The following XKR9 variants were observed in gnomAD, a reference collection of about 807,000 sequenced individuals.
The protein encoded by XKR9 is XK-related protein 9.
XKR9 carries 32 observed loss-of-function variants against 32.0 expected under a neutral mutation model. That is an observed-to-expected ratio of 1.00 (90% CI 0.76 to 1.34). The LOEUF is 1.34. Among genes scored for constraint, XKR9 ranks in the 40% most tolerant of loss-of-function variants. XKR9 has a pLI of 0.00. For missense variants in XKR9, 546 were observed against 429.7 expected (o/e 1.27, Z -2.39); for synonymous variants, 168 against 143.4 (o/e 1.17, Z -1.22).
the XKR9 span, among the ~76,000 whole-genome samples, chr8:70,920,800 G>A: frequency 6.6e-6 from 1 of 152,032 alleles, no homozygotes; most frequent in South Asian, 2.1e-4. Flanking sequence ...AGGTTTCTAT[G>A]ACAAGTAATC....
At chr8:70,857,867 C>T in the XKR9 span, among the ~76,000 whole-genome samples, 6 of 152,086 alleles carry the variant, frequency 3.9e-5, no homozygotes, top group African/African-American at 1.4e-4. Context: ...ACAAAAACCA[C>T]GTGATTATCT....
downstream of XKR9, among the ~76,000 whole-genome samples, chr8:70,740,553 G>A (rs1242118675): frequency 6.8e-6 from 1 of 146,062 alleles, no homozygotes; most frequent in Non-Finnish European, 1.5e-5. Context: ...GCTTTTTAGA[G>A]TTTCCAGTTT....
chr8:70,865,022 T>G, the XKR9 span, among the ~76,000 whole-genome samples: 2 of 152,222 alleles, frequency 1.3e-5, no homozygotes, highest in Non-Finnish European at 2.9e-5. Flanking sequence ...TGAGGCATCC[T>G]GACATCTCTT....
intron 3 of XKR9, among the ~76,000 whole-genome samples, chr8:70,692,614 T>C (rs1000504420): frequency 6.6e-6 from 1 of 152,106 alleles, no homozygotes; most frequent in Non-Finnish European, 1.5e-5. Flanking sequence ...GTTTTGCTCT[T>C]GTTGCCCAGG....
chr8:70,989,042 C>A, the XKR9 span, among the ~76,000 whole-genome samples: 1 of 152,192 alleles, frequency 6.6e-6, no homozygotes, highest in Admixed American at 6.5e-5. Flanking sequence ...ATGTACAACA[C>A]TTTCTTCATC....
chr8:70,865,758 T>A, the XKR9 span, among the ~76,000 whole-genome samples: 1 of 152,202 alleles, frequency 6.6e-6, no homozygotes, highest in Non-Finnish European at 1.5e-5. Flanking sequence ...ATTCATCATA[T>A]TGAAACCTGA....
At chr8:70,727,757 G>A (rs1367443474) in intron 4 of XKR9, among the ~76,000 whole-genome samples, 3 of 151,964 alleles carry the variant, frequency 2.0e-5, no homozygotes, top group Non-Finnish European at 4.4e-5. Context: ...AGCTGGGAGT[G>A]CCGATTGGTC....
the XKR9 span, among the ~76,000 whole-genome samples, chr8:70,860,036 C>T: frequency 2.6e-5 from 4 of 152,056 alleles, no homozygotes; most frequent in Admixed American, 6.6e-5. Flanking sequence ...GTGATGGATA[C>T]CCTAAGTACC....
At chr8:71,034,623 C>T in the XKR9 span, among the ~76,000 whole-genome samples, 2 of 152,150 alleles carry the variant, frequency 1.3e-5, no homozygotes, top group Non-Finnish European at 2.9e-5. Context: ...CATGTAGGTG[C>T]TCTGGTTGGC....
chr8:70,720,737 C>T (rs991281817), intron 4 of XKR9, among the ~76,000 whole-genome samples: 1 of 152,144 alleles, frequency 6.6e-6, no homozygotes, highest in African/African-American at 2.4e-5. Context: ...CGATGTTCAT[C>T]AGGGATATTG....
the XKR9 span, among the ~76,000 whole-genome samples, chr8:70,814,642 T>C: frequency 6.6e-6 from 1 of 152,156 alleles, no homozygotes; most frequent in Admixed American, 6.5e-5. Context: ...AATATCATAC[T>C]GAAGAAACAA....
At chr8:70,748,115 T>C (rs113898760) in intron 2 of XKR9, among the ~76,000 whole-genome samples, 25 of 152,342 alleles carry the variant, frequency 1.6e-4, no homozygotes, top group African/African-American at 5.5e-4. Flanking sequence ...TTTAGAATTA[T>C]ATTAATGACA....
chr8:70,705,106 C>T (rs1172733541), intron 3 of XKR9, among the ~76,000 whole-genome samples: 2 of 152,102 alleles, frequency 1.3e-5, no homozygotes, highest in Non-Finnish European at 2.9e-5. Context: ...AATGGGAATA[C>T]TTTATATTTG....
intron 2 of XKR9, 25 bp downstream of exon 2, chr8:70,674,924 A>T (rs1055891661): frequency 1.3e-5 from 2 of 152,228 alleles, no homozygotes; most frequent in African/African-American, 4.8e-5. Flanking sequence ...TATATGTGTT[A>T]TATTTGGTTG....
chr8:70,976,648 A>T, the XKR9 span, among the ~76,000 whole-genome samples: 2 of 152,238 alleles, frequency 1.3e-5, no homozygotes, highest in African/African-American at 4.8e-5. Flanking sequence ...TTTCACATCA[A>T]TGTTCAACAG....
At chr8:70,949,237 C>T in the XKR9 span, among the ~76,000 whole-genome samples, 1 of 152,124 alleles carries the variant, frequency 6.6e-6, no homozygotes, top group Non-Finnish European at 1.5e-5. Flanking sequence ...TAGCCTCAGG[C>T]AGCATATTTC....
At chr8:70,766,451 A>G (rs1054639343) in intron 2 of XKR9, among the ~76,000 whole-genome samples, 8 of 152,186 alleles carry the variant, frequency 5.3e-5, no homozygotes, top group Non-Finnish European at 1.2e-4. Context: ...CTGATTTTGT[A>G]TCCTGAGACT....
At chr8:70,727,844 C>T (rs1390760008) in intron 4 of XKR9, among the ~76,000 whole-genome samples, 1 of 151,746 alleles carries the variant, frequency 6.6e-6, no homozygotes, top group Non-Finnish European at 1.5e-5. Context: ...GCTACGAGAT[C>T]AGATGAGTCA....
At chr8:71,025,468 C>T in the XKR9 span, among the ~76,000 whole-genome samples, 24 of 152,172 alleles carry the variant, frequency 1.6e-4, no homozygotes, top group African/African-American at 4.8e-4. Context: ...TCTTACAATT[C>T]GTAACAAAGG....
Sources: gnomAD v4.1 joint callset for allele counts (sites outside exome capture counted in the v4.1 genomes callset) on GRCh38, gnomAD v4.1.1 for gene constraint, MANE v1.5 for transcripts, NCBI Gene and HGNC (gene_info 2026-07-23, HGNC 2026-07-21) for gene names.